The following SLC4A4 variants were observed in gnomAD, a reference collection of about 807,000 sequenced individuals.
SLC4A4 encodes the protein solute carrier family 4 member 4.
A neutral mutation model predicts 111.5 loss-of-function variants in SLC4A4; 27 were observed. That is an observed-to-expected ratio of 0.24 (90% CI 0.18 to 0.33). The LOEUF (loss-of-function observed/expected upper bound fraction) is 0.33. SLC4A4 is among the 10% of genes least tolerant of loss of function. The probability of loss-of-function intolerance (pLI) is 1.00; values close to 1 mark genes in which losing one functional copy is unlikely to be tolerated. For synonymous variants in SLC4A4, 443 were observed against 463.4 expected, an observed-to-expected ratio of 0.96 and a Z score of 0.57; for missense variants, 909 against 1,315.5, an observed-to-expected ratio of 0.69 and a Z score of 4.78.
intron 1 of SLC4A4, among the ~76,000 whole-genome samples, chr4:71,070,856 T>C (rs1741642093): frequency 6.6e-6 from 1 of 152,160 alleles, no homozygotes; most frequent in African/African-American, 2.4e-5. Context: ...GCAGTTCTGG[T>C]ATGGAACCCA....
intron 1 of SLC4A4, among the ~76,000 whole-genome samples, chr4:71,078,651 C>G (rs574892790): frequency 1.1e-4 from 16 of 152,226 alleles, no homozygotes; most frequent in African/African-American, 3.6e-4. Flanking sequence ...CACACTGAGG[C>G]CTTCTTCGCT....
intron 3 of SLC4A4, among the ~76,000 whole-genome samples, chr4:71,324,771 A>G (rs1159933130): frequency 6.6e-6 from 1 of 152,002 alleles, no homozygotes; most frequent in Non-Finnish European, 1.5e-5. Context: ...ATTTTTCTAC[A>G]TTTTTAAGAT....
intron 11 of SLC4A4, among the ~76,000 whole-genome samples, chr4:71,452,851 C>T (rs1285027721): frequency 6.6e-6 from 1 of 152,180 alleles, no homozygotes; most frequent in African/African-American, 2.4e-5. Context: ...TCTAAAATTT[C>T]AACCACCTTT....
chr4:71,397,247 G>A (rs987631639), intron 6 of SLC4A4, among the ~76,000 whole-genome samples: 2 of 152,184 alleles, frequency 1.3e-5, no homozygotes, highest in Non-Finnish European at 2.9e-5. Context: ...TAGCATGTAT[G>A]TAAAGGGCAA....
chr4:71,489,551 A>G (rs1729716670), intron 15 of SLC4A4, among the ~76,000 whole-genome samples: 1 of 151,700 alleles, frequency 6.6e-6, no homozygotes, highest in African/African-American at 2.4e-5. Context: ...AGTGTTAGGT[A>G]TTGTTACTGT....
At chr4:71,528,065 C>T (rs374294298) in intron 16 of SLC4A4, among the ~76,000 whole-genome samples, 2 of 152,058 alleles carry the variant, frequency 1.3e-5, no homozygotes, top group East Asian at 1.9e-4. Flanking sequence ...AAAATGTCTT[C>T]AGAATGCCAT....
At chr4:71,205,706 T>C (rs890073017) in intron 1 of SLC4A4, among the ~76,000 whole-genome samples, 1 of 152,138 alleles carries the variant, frequency 6.6e-6, no homozygotes, top group African/African-American at 2.4e-5. Context: ...TCCTCCAAAA[T>C]TTGAATGAAA....
At chr4:71,446,769 A>G (rs1196930891) in intron 8 of SLC4A4, among the ~76,000 whole-genome samples, 1 of 152,252 alleles carries the variant, frequency 6.6e-6, no homozygotes, top group East Asian at 1.9e-4. Flanking sequence ...CATGATCAAT[A>G]TCAAGGTGGG....
intron 1 of SLC4A4, among the ~76,000 whole-genome samples, chr4:71,209,675 CTATTTATTTTTT>C (rs1259333351): frequency 1.3e-5 from 2 of 152,152 alleles, no homozygotes; most frequent in African/African-American, 4.8e-5. Flanking sequence ...ATTTTCAGAC[CTATTTATTTTTT>C]TCCTTCCTGA....
intron 8 of SLC4A4, among the ~76,000 whole-genome samples, chr4:71,443,471 A>G (rs1004731163): frequency 1.3e-5 from 2 of 151,918 alleles, no homozygotes; most frequent in Non-Finnish European, 2.9e-5. Flanking sequence ...TTTGAGCTAT[A>G]TAGGGGATGA....
upstream of SLC4A4, among the ~76,000 whole-genome samples, chr4:71,185,550 C>G (rs547629017): frequency 6.6e-6 from 1 of 152,194 alleles, no homozygotes; most frequent in Non-Finnish European, 1.5e-5. Flanking sequence ...GATGTGACAA[C>G]AGACACATGA....
At chr4:71,523,797 T>C (rs1333989468) in intron 16 of SLC4A4, among the ~76,000 whole-genome samples, 1 of 152,192 alleles carries the variant, frequency 6.6e-6, no homozygotes, top group African/African-American at 2.4e-5. Flanking sequence ...ATCTTCTTTT[T>C]AGGCCCTGGA....
chr4:71,250,143 T>TAA (rs5859257), intron 2 of SLC4A4, among the ~76,000 whole-genome samples: 122 of 151,084 alleles, frequency 8.1e-4, no homozygotes, highest in African/African-American at 2.2e-3. Flanking sequence ...CTTTTCTTAA[T>TAA]AAAAAAAAAT....
intron 12 of SLC4A4, among the ~76,000 whole-genome samples, chr4:71,457,754 A>G (rs773869170): frequency 6.6e-6 from 1 of 152,024 alleles, no homozygotes; most frequent in Non-Finnish European, 1.5e-5. Context: ...AACTCACTAC[A>G]TTATTGCAGT....
chr4:71,155,511 G>A (rs1466964263), intron 2 of SLC4A4, among the ~76,000 whole-genome samples: 1 of 152,112 alleles, frequency 6.6e-6, no homozygotes, highest in African/African-American at 2.4e-5. Flanking sequence ...TACCCAGGCT[G>A]GAGTGCAGTG....
intron 2 of SLC4A4, among the ~76,000 whole-genome samples, chr4:71,125,855 T>A (rs745318132): frequency 1.3e-5 from 2 of 152,092 alleles, no homozygotes. Flanking sequence ...CAGATGAACA[T>A]CTATTTAGAA....
chr4:71,408,133 C>CT (rs1225256630), intron 7 of SLC4A4, among the ~76,000 whole-genome samples: 2 of 152,058 alleles, frequency 1.3e-5, no homozygotes, highest in Non-Finnish European at 2.9e-5. Flanking sequence ...TTATATCAGT[C>CT]TTTTTTCACT....
chr4:71,371,760 T>C (rs1460538188), intron 6 of SLC4A4, among the ~76,000 whole-genome samples: 3 of 152,204 alleles, frequency 2.0e-5, no homozygotes, highest in African/African-American at 7.2e-5. Flanking sequence ...ATTTCAACTA[T>C]CTACATAAAA....
intron 6 of SLC4A4, among the ~76,000 whole-genome samples, chr4:71,379,003 T>A (rs547611396): frequency 4.7e-4 from 71 of 152,300 alleles, no homozygotes; most frequent in African/African-American, 1.7e-3. Context: ...TTCCCACCCT[T>A]CCTTGACTAT....
Sources: allele counts gnomAD v4.1 joint callset (sites outside exome capture counted in the v4.1 genomes callset), GRCh38; gene constraint gnomAD v4.1.1; transcripts MANE v1.5; gene names NCBI Gene and HGNC (gene_info 2026-07-23, HGNC 2026-07-21).